The following SNX30 variants were observed in gnomAD, a reference collection of about 807,000 sequenced individuals.
SNX30 encodes sorting nexin family member 30.
Under a neutral mutation model 46.4 loss-of-function variants are expected in SNX30, and 24 were observed. The observed-to-expected ratio is 0.52, with a 90% CI of 0.37 to 0.73. The LOEUF (loss-of-function observed/expected upper bound fraction) is 0.73, where lower values mean the gene tolerates loss of function less well. SNX30 is among the 30% of genes least tolerant of loss of function. SNX30 has a pLI of 0.00. For missense variants in SNX30, 533 were observed against 555.7 expected (o/e 0.96, Z 0.41); for synonymous variants, 189 against 211.5 (o/e 0.89, Z 0.92).
intron 1 of SNX30, among the ~76,000 whole-genome samples, chr9:112,785,812 C>T (rs949293918): frequency 6.6e-6 from 1 of 152,086 alleles, no homozygotes; most frequent in African/African-American, 2.4e-5. Context: ...GGATTACTTG[C>T]CAGCCTAGGA....
At position 112,850,903 on chromosome 9, in the gene SNX30, C is replaced by G; in HGVS notation, c.1059C>G (p.Ala353=). 6.2e-7 allele frequency: 1 copy of G among 1,614,024 alleles called. No homozygotes were observed. The highest frequency in any genetic ancestry group is 8.5e-7 in the Non-Finnish European group (1 of 1,180,002). The stretch of plus-strand genomic sequence containing the variant: ...ACCAAGTTCAAGCAGAGTATGAAGC[C>G]AAACTGGAAGCTGTGGCTCTGCGGA... ...KRDQVQAEYE[A]KLEAVALRKE... The change falls in exon 7 of 9, where the codon GCC becomes GCG. Residue 353 remains alanine (A), a synonymous_variant. Transcript: ENST00000374232.
chr9:112,795,779 A>T (rs1238375365), intron 1 of SNX30, among the ~76,000 whole-genome samples: 1 of 151,762 alleles, frequency 6.6e-6, no homozygotes, highest in African/African-American at 2.4e-5. Flanking sequence ...ACACACACAC[A>T]CACACACACA....
rs1273247547 is a variant in SNX30, at chr9:112,750,851, A to T, written c.-151A>T. On this transcript the variant is annotated 5_prime_UTR_variant, in exon 1 of 9. Coordinates refer to ENST00000374232, the MANE Select transcript of SNX30 (RefSeq NM_001012994.2). ...GAGCGTCTGAGCGCCGGCAGAGACC[A>T]GCCGGCGGGTGGCGGCGGCCCCCAG... 1 of 603,184 alleles carries T rather than the reference A, an allele frequency of 1.7e-6. No homozygotes were observed. The highest frequency in any genetic ancestry group is 2.1e-6 in the Non-Finnish European group (1 of 473,652). The allele number at this position is 603,184 out of a possible 1,614,324, so 37.4% of individuals were successfully genotyped here. A position where few individuals can be genotyped will look rare whatever the true frequency, so the allele number is the denominator to read the frequency against.
At chr9:112,835,380 A>G (rs1840736936) in intron 4 of SNX30, among the ~76,000 whole-genome samples, 1 of 151,974 alleles carries the variant, frequency 6.6e-6, no homozygotes, top group Non-Finnish European at 1.5e-5. Flanking sequence ...ATCTCAATTC[A>G]TTGCAACCTC....
intron 1 of SNX30, among the ~76,000 whole-genome samples, chr9:112,785,944 A>G (rs1051022152): frequency 6.6e-6 from 1 of 152,154 alleles, no homozygotes; most frequent in Admixed American, 6.6e-5. Flanking sequence ...AATAATAATA[A>G]TATTCTTCAG....
At chr9:112,796,950 A>G (rs578049619) in intron 1 of SNX30, among the ~76,000 whole-genome samples, 54 of 152,296 alleles carry the variant, frequency 3.5e-4, no homozygotes, top group Non-Finnish European at 6.2e-4. Context: ...AGAGGAGAGA[A>G]TATAGGGAAA....
intron 7 of SNX30, among the ~76,000 whole-genome samples, chr9:112,853,192 A>G (rs990632747): frequency 2.6e-5 from 4 of 152,226 alleles, no homozygotes; most frequent in Non-Finnish European, 5.9e-5. Context: ...TAAAGGCTGC[A>G]TGTATCTATG....
intron 6 of SNX30, among the ~76,000 whole-genome samples, chr9:112,840,841 A>G (rs1340309164): frequency 6.6e-6 from 1 of 150,750 alleles, no homozygotes; most frequent in African/African-American, 2.4e-5. Context: ...GTGCAGTGGC[A>G]CGATCTCAGC....
chr9:112,818,188 G>T (rs1040662870), intron 3 of SNX30, among the ~76,000 whole-genome samples: 2 of 142,452 alleles, frequency 1.4e-5, no homozygotes, highest in African/African-American at 2.6e-5. Context: ...CAGAGCAAAA[G>T]AAATTTAAAT....
At chr9:112,796,108 G>A (rs1840104216) in intron 1 of SNX30, among the ~76,000 whole-genome samples, 1 of 152,214 alleles carries the variant, frequency 6.6e-6, no homozygotes, top group Non-Finnish European at 1.5e-5. Context: ...GTGGAAGGAG[G>A]TGGTAAGAAA....
At chr9:112,829,756 G>GT (rs560049539) in intron 3 of SNX30, among the ~76,000 whole-genome samples, 21 of 149,832 alleles carry the variant, frequency 1.4e-4, no homozygotes, top group Middle Eastern at 3.4e-3. Context: ...ACCAACACTT[G>GT]TTTTTTTTTG....
At position 112,766,282 on chromosome 9, in the gene SNX30, A is replaced by C. The variant is rs1839536085; in HGVS notation, c.156+15125A>C. Among the ~76,000 whole-genome samples the C allele has an allele frequency of 4.6e-5, 7 of 151,890 alleles. No individual in the cohort carries two copies. The South Asian group carries it at 1.5e-3, about 31-fold the overall frequency. On this transcript the variant is annotated intron_variant, in intron 1 of 8. Transcript: ENST00000374232. ...CCTTTTTATGGGTGAATAATACTTC[A>C]TTTTATGGATATACCACATTTTGTT...
chr9:112,750,687 C>T (rs530346494), upstream of SNX30, among the ~76,000 whole-genome samples: 2 of 151,452 alleles, frequency 1.3e-5, no homozygotes, highest in Admixed American at 6.6e-5. Context: ...TCCCCGCCCC[C>T]TCCCGGGCGG....
At chr9:112,752,368 C>A (rs1839291404) in intron 1 of SNX30, among the ~76,000 whole-genome samples, 1 of 152,160 alleles carries the variant, frequency 6.6e-6, no homozygotes, top group Non-Finnish European at 1.5e-5. Context: ...GTAATACCAG[C>A]ACTTTGGGAG....
chr9:112,818,698 A>G (rs1840443938), intron 3 of SNX30, among the ~76,000 whole-genome samples: 1 of 152,136 alleles, frequency 6.6e-6, no homozygotes, highest in Admixed American at 6.5e-5. Flanking sequence ...GTTGAATGAT[A>G]ACTTCCTAGG....
chr9:112,803,838 G>C (rs1840176320), intron 1 of SNX30, among the ~76,000 whole-genome samples: 1 of 47,404 alleles, frequency 2.1e-5, no homozygotes, highest in Non-Finnish European at 4.2e-5. Flanking sequence ...ATAGTCTCGT[G>C]GTGCGCCGTT....
chr9:112,770,297 G>T (rs530967837), intron 1 of SNX30, among the ~76,000 whole-genome samples: 1 of 151,666 alleles, frequency 6.6e-6, no homozygotes, highest in Non-Finnish European at 1.5e-5. Flanking sequence ...TCAGCCTCCC[G>T]AGTAGCTGGG....
intron 1 of SNX30, among the ~76,000 whole-genome samples, chr9:112,758,403 C>T (rs994307119): frequency 1.3e-5 from 2 of 152,110 alleles, no homozygotes; most frequent in African/African-American, 4.8e-5. Context: ...GATCTTGGCT[C>T]GCTGCAACCT....
chr9:112,822,057 G>T (rs1292695928), intron 3 of SNX30, among the ~76,000 whole-genome samples: 1 of 151,996 alleles, frequency 6.6e-6, no homozygotes, highest in African/African-American at 2.4e-5. Context: ...GGGACTACAG[G>T]CACCCTATGC....
Sources: gnomAD v4.1 joint callset for allele counts (sites outside exome capture counted in the v4.1 genomes callset) on GRCh38, gnomAD v4.1.1 for gene constraint, MANE v1.5 for transcripts, NCBI Gene and HGNC (gene_info 2026-07-23, HGNC 2026-07-21) for gene names.